The following CCDC150 variants were observed in gnomAD, a reference collection of about 807,000 sequenced individuals.
CCDC150 encodes the protein coiled-coil domain-containing protein 150.
A neutral mutation model predicts 156.5 loss-of-function variants in CCDC150; 151 were observed. The ratio of observed to expected loss-of-function variants is 0.97; its 90% CI spans 0.85 to 1.10. The LOEUF (loss-of-function observed/expected upper bound fraction) is 1.10, where lower values mean the gene tolerates loss of function less well. Among genes scored for constraint, CCDC150 ranks in the 50% least tolerant of loss-of-function variants. The pLI, the probability that CCDC150 is intolerant of heterozygous loss-of-function variation, is 0.00. For synonymous variants in CCDC150, 452 were observed against 429.4 expected (o/e 1.05, Z -0.65); for missense variants, 1,312 against 1,268.1 (o/e 1.03, Z -0.53).
rs764067938 is a variant in CCDC150, at chr2:196,718,596, G to C, written c.1960G>C (p.Asp654His). 6.8e-6 allele frequency: 11 copies of C among 1,613,638 alleles called. No individual in the cohort carries two copies. Among genetic ancestry groups the C allele is most frequent in the African/African-American group, 1.3e-5 (1 of 74,908 alleles). ...GAAAGAGAGTCAGAAGTTGAAAGAA[G>C]ACCTCGAGGCTGTGGAGGACAGGGA... Reference protein sequence around the residue: ...ALKESQKLKEDLEAVEDRENK... With the variant: ...ALKESQKLKEHLEAVEDRENK... The change falls in exon 18 of 28, where the codon GAC (aspartate) becomes CAC (histidine). Residue 654 changes from aspartate to histidine, a missense_variant. Asp to His is a moderately conservative substitution (Grantham distance 81, BLOSUM62 -1). Coordinates refer to ENST00000389175, the MANE Select transcript of CCDC150 (RefSeq NM_001080539.2).
chr2:196,683,427 G>T (rs181800277), intron 13 of CCDC150, among the ~76,000 whole-genome samples: 70 of 152,010 alleles, frequency 4.6e-4, no homozygotes, highest in African/African-American at 9.6e-4. Context: ...ATTTTGTTAA[G>T]ATTTTTTGCA....
intron 13 of CCDC150, among the ~76,000 whole-genome samples, chr2:196,680,345 G>A (rs1237823901): frequency 2.7e-4 from 41 of 151,970 alleles, no homozygotes; most frequent in Admixed American, 2.7e-3. Flanking sequence ...CACTCAGGCT[G>A]CAGGGCGGTG....
At chr2:196,718,457 A>G in intron 17 of CCDC150, 46 bp from the exon 18 acceptor site, 1 of 1,473,334 alleles carries the variant, frequency 6.8e-7, no homozygotes, top group Non-Finnish European at 9.2e-7. Context: ...TCTTATTCTA[A>G]TCACTGATTT....
intron 13 of CCDC150, among the ~76,000 whole-genome samples, chr2:196,688,885 A>G (rs111956391): frequency 0.087 from 13,109 of 150,834 alleles, 674 homozygotes; most frequent in African/African-American, 0.16. Context: ...TAGGTCTAAC[A>G]TTTAAGTCTT....
At chr2:196,647,681 A>G (rs1692627816) in intron 2 of CCDC150, among the ~76,000 whole-genome samples, 1 of 152,196 alleles carries the variant, frequency 6.6e-6, no homozygotes, top group Non-Finnish European at 1.5e-5. Context: ...GCTATGATGC[A>G]TGCATACATT....
chr2:196,730,954 G>T lies in CCDC150; in HGVS notation c.3069+9G>T. Reference sequence around the variant, plus strand: ...GTGTGGAATCAGAACAGGTGAGCCAGACCCACGGACATAAAGACTTAGACG... The same window carrying T: ...GTGTGGAATCAGAACAGGTGAGCCATACCCACGGACATAAAGACTTAGACG... On this transcript the variant is annotated intron_variant, in intron 26 of 27. Coordinates refer to ENST00000389175, the MANE Select transcript of CCDC150 (RefSeq NM_001080539.2). The T allele has an allele frequency of 6.3e-7, 1 of 1,584,478 alleles. No homozygotes were observed. Among genetic ancestry groups the T allele is most frequent in the South Asian group, 1.2e-5 (1 of 85,988 alleles).
intron 23 of CCDC150, 89 bp downstream of exon 23, chr2:196,729,476 CT>C: frequency 7.8e-7 from 1 of 1,288,348 alleles, no homozygotes; most frequent in Non-Finnish European, 1.1e-6. Context: ...TTTTAGAACC[CT>C]AGCAGCCCCA....
intron 13 of CCDC150, among the ~76,000 whole-genome samples, chr2:196,682,389 T>G (rs1350843872): frequency 6.6e-6 from 1 of 150,752 alleles, no homozygotes; most frequent in Non-Finnish European, 1.5e-5. Context: ...CGTCTAAATG[T>G]GAATCTTCCA....
At chr2:196,718,813 A>G (rs1243323592) in intron 18 of CCDC150, among the ~76,000 whole-genome samples, 182 bp downstream of exon 18, 1 of 152,132 alleles carries the variant, frequency 6.6e-6, no homozygotes, top group Non-Finnish European at 1.5e-5. Context: ...AAAATACATT[A>G]TATGTATCTA....
intron 15 of CCDC150, among the ~76,000 whole-genome samples, chr2:196,706,787 G>C (rs1158272355): frequency 2.0e-5 from 3 of 152,076 alleles, no homozygotes; most frequent in Non-Finnish European, 4.4e-5. Context: ...TTTTTTCATT[G>C]GTTCTGTTTA....
intron 2 of CCDC150, among the ~76,000 whole-genome samples, chr2:196,647,383 A>G (rs1179381270): frequency 6.6e-6 from 1 of 152,094 alleles, no homozygotes; most frequent in Non-Finnish European, 1.5e-5. Flanking sequence ...ATATGCATGT[A>G]TATATTATGT....
At chr2:196,705,926 C>A (rs997321388) in intron 15 of CCDC150, among the ~76,000 whole-genome samples, 4 of 152,168 alleles carry the variant, frequency 2.6e-5, no homozygotes, top group African/African-American at 4.8e-5. Flanking sequence ...TGTTTTGGTG[C>A]CAGTACCATG....
chr2:196,731,175 C>T (rs187592411), intron 26 of CCDC150, among the ~76,000 whole-genome samples: 1 of 152,098 alleles, frequency 6.6e-6, no homozygotes, highest in East Asian at 1.9e-4. Flanking sequence ...AAATATTAAA[C>T]CTGAAGTCCA....
intron 13 of CCDC150, among the ~76,000 whole-genome samples, chr2:196,686,927 G>A (rs982685242): frequency 3.9e-5 from 6 of 151,976 alleles, no homozygotes; most frequent in Non-Finnish European, 5.9e-5. Context: ...CCATGATCAC[G>A]AGGACGTGAT....
intron 19 of CCDC150, 26 bp downstream of exon 19, chr2:196,719,692 A>G (rs528345623): frequency 7.0e-6 from 11 of 1,575,294 alleles, no homozygotes; most frequent in African/African-American, 4.1e-5. Context: ...TTTCCCTGTC[A>G]TTGGTATTGC....
At chr2:196,684,145 G>A (rs905278849) in intron 13 of CCDC150, among the ~76,000 whole-genome samples, 4 of 151,860 alleles carry the variant, frequency 2.6e-5, no homozygotes, top group Non-Finnish European at 5.9e-5. Context: ...ACCTATTCTG[G>A]TTCAGGGGAG....
At chr2:196,639,899 C>T in intron 1 of CCDC150, 121 bp downstream of exon 1, 1 of 848,138 alleles carries the variant, frequency 1.2e-6, no homozygotes. Context: ...TCCAGTCTCA[C>T]TCCCTGGACC....
chr2:196,666,745 T>G lies in CCDC150; in HGVS notation c.789T>G (p.Ile263Met). The G allele has an allele frequency of 1.2e-6, 2 of 1,606,830 alleles. No homozygotes were observed. The highest frequency in any genetic ancestry group is 1.7e-6 in the Non-Finnish European group (2 of 1,177,672). Residue 263 changes from isoleucine to methionine, a missense_variant, in exon 7 of 28, where the codon ATT (isoleucine) becomes ATG (methionine). Transcript: ENST00000389175. ...TGCACATTTTGCAGCAAAACTGCAT[T>G]GCTCTACGTGATTCTATACAGAGCG... ...KQVHILQQNC[I>M]ALRDSIQSAQ...
chr2:196,677,254 A>AT (rs1241759417), intron 12 of CCDC150, 39 bp from the exon 13 acceptor site: 3 of 1,366,574 alleles, frequency 2.2e-6, no homozygotes, highest in Non-Finnish European at 2.0e-6. Flanking sequence ...CTGCTATAAA[A>AT]TTGACCTATT....
Sources: allele counts gnomAD v4.1 joint callset (sites outside exome capture counted in the v4.1 genomes callset), GRCh38; gene constraint gnomAD v4.1.1; transcripts MANE v1.5; gene names NCBI Gene and HGNC (gene_info 2026-07-23, HGNC 2026-07-21).